The following HSPB3 variants were observed in gnomAD, a reference collection of about 807,000 sequenced individuals.
HSPB3 encodes heat shock protein beta-3.
In HSPB3, 10 loss-of-function variants were observed where a neutral mutation model predicts 10.9. The observed-to-expected ratio is 0.91, with a 90% CI of 0.56 to 1.55. HSPB3 has a LOEUF of 1.55. Ranked by LOEUF, HSPB3 falls within the 40% of genes most tolerant of loss-of-function variation. HSPB3 has a pLI of 0.00. For missense variants in HSPB3, 176 were observed against 184.1 expected (o/e 0.96, Z 0.25); for synonymous variants, 73 against 71.8 (o/e 1.02, Z -0.08).
Position 54,455,881 on chromosome 5 carries a change from A to G in HSPB3, c.92A>G (p.Asp31Gly), listed in dbSNP as rs1761037380. 1 of 1,614,142 alleles carries G rather than the reference A, an allele frequency of 6.2e-7. No homozygotes were observed. Residue 31 changes from aspartate (D) to glycine (G), a missense_variant, in exon 1 of 1, where the codon GAT becomes GGT. Transcript: ENST00000302005. Reference protein sequence around the residue: ...EARGLEDCRLDHALYALPGPT... With the variant: ...EARGLEDCRLGHALYALPGPT... ...CGAGGTCTAGAAGACTGCAGGCTGG[A>G]TCATGCTTTATATGCACTGCCTGGG...
rs7699 is a variant in HSPB3, at chr5:54,456,071, G to A, written c.282G>A (p.Leu94=). 0.58 allele frequency: 929,665 copies of A among 1,613,562 alleles called. 271,020 individuals carry two copies. The highest frequency in any genetic ancestry group is 0.68 in the Middle Eastern group (4,107 of 6,060). Reference sequence around the variant, plus strand: ...TCATTCAGACCTTCGAAGGCTGGCTGCTGATAAAAGCACAACACGGAACCA... The same window carrying A: ...TCATTCAGACCTTCGAAGGCTGGCTACTGATAAAAGCACAACACGGAACCA... ...DIIIQTFEGW[L]LIKAQHGTRM... The change falls in exon 1 of 1, where the codon CTG becomes CTA. Residue 94 remains leucine (L), a synonymous_variant. Coordinates refer to ENST00000302005, the MANE Select transcript of HSPB3 (RefSeq NM_006308.3).
Position 54,455,748 on chromosome 5 carries a change from G to C in HSPB3, c.-42G>C, listed in dbSNP as rs777548146. 1 of 1,546,378 alleles carries C rather than the reference G, an allele frequency of 6.5e-7. No individual in the cohort carries two copies. The highest frequency in any genetic ancestry group is 8.9e-7 in the Non-Finnish European group (1 of 1,118,798). ...CGCCACTGACTGAAGGCAGTGGAAG[G>C]TTGGCAGAAGGAGGCTGTTCAAGGC... On this transcript the variant is annotated 5_prime_UTR_variant, in exon 1 of 1. Transcript: ENST00000302005.
Position 54,455,942 on chromosome 5 carries a change from G to A in HSPB3, c.153G>A (p.Ala51=), listed in dbSNP as rs139714539. The A allele has an allele frequency of 3.8e-5, 61 of 1,614,080 alleles. No homozygotes were observed. The African/African-American group carries it at 3.9e-4, about 10-fold the overall frequency. ...TIVDLRKTRA[A]QSPPVDSAAE... is the part of the protein sequence containing the mutation. ...TGGACCTGAGGAAAACCAGGGCAGC[G>A]CAGTCTCCTCCAGTGGACTCAGCGG... is the stretch of plus-strand genomic sequence containing the variant. The change falls in exon 1 of 1, where the codon GCG becomes GCA. Residue 51 remains alanine (A), a synonymous_variant. Coordinates refer to ENST00000302005, the MANE Select transcript of HSPB3 (RefSeq NM_006308.3).
rs772698066 is a variant in HSPB3, at chr5:54,455,906, G to A, written c.117G>A (p.Gly39=). The A allele has an allele frequency of 8.1e-6, 13 of 1,614,114 alleles. No individual in the cohort carries two copies. The African/African-American group carries it at 1.2e-4, about 15-fold the overall frequency. ...ATCATGCTTTATATGCACTGCCTGG[G>A]CCAACCATCGTGGACCTGAGGAAAA... ...RLDHALYALP[G]PTIVDLRKTR... The change falls in exon 1 of 1, where the codon GGG becomes GGA. Residue 39 remains glycine (G), a synonymous_variant. Coordinates refer to ENST00000302005, the MANE Select transcript of HSPB3 (RefSeq NM_006308.3).
rs751004706 is a variant in HSPB3, at chr5:54,455,944, A to G, written c.155A>G (p.Gln52Arg). The G allele has an allele frequency of 5.0e-6, 8 of 1,614,184 alleles. No homozygotes were observed. Among genetic ancestry groups the G allele is most frequent in the Admixed American group, 3.3e-5 (2 of 60,016 alleles). Residue 52 changes from glutamine (Q) to arginine (R), a missense_variant, in exon 1 of 1, where the codon CAG becomes CGG. Physicochemically the swap from Gln to Arg is conservative, Grantham distance 43 (BLOSUM62 1). Coordinates refer to ENST00000302005, the MANE Select transcript of HSPB3 (RefSeq NM_006308.3). ...GACCTGAGGAAAACCAGGGCAGCGC[A>G]GTCTCCTCCAGTGGACTCAGCGGCA... ...IVDLRKTRAA[Q>R]SPPVDSAAET... is the part of the protein sequence containing the mutation.
At position 54,456,367 on chromosome 5, in the gene HSPB3, T is replaced by A. The variant is rs960756994; in HGVS notation, c.*125T>A. The A allele has an allele frequency of 2.4e-6, 2 of 833,224 alleles. No homozygotes were observed. Among genetic ancestry groups the A allele is most frequent in the Non-Finnish European group, 4.1e-6 (2 of 482,882 alleles). The allele number at this position is 833,224 out of a possible 1,614,324, so 51.6% of individuals were successfully genotyped here. The stretch of plus-strand genomic sequence containing the variant: ...ATGATTTTTATGAAGATTAAAAATA[T>A]ATACACAGTTCCTGGTATGTTGAGG... On this transcript the variant is annotated 3_prime_UTR_variant, in exon 1 of 1. Coordinates refer to ENST00000302005, the MANE Select transcript of HSPB3 (RefSeq NM_006308.3).
rs377702400 is a variant in HSPB3, at chr5:54,456,288, C to T, written c.*46C>T. The T allele has an allele frequency of 2.2e-6, 3 of 1,379,676 alleles. No individual in the cohort carries two copies. The highest frequency in any genetic ancestry group is 2.9e-5 in the African/African-American group (2 of 70,152). The allele number at this position is 1,379,676 out of a possible 1,614,324, so 85.5% of individuals were successfully genotyped here. A position where few individuals can be genotyped will look rare whatever the true frequency, so the allele number is the denominator to read the frequency against. On this transcript the variant is annotated 3_prime_UTR_variant, in exon 1 of 1. Coordinates refer to ENST00000302005, the MANE Select transcript of HSPB3 (RefSeq NM_006308.3). The stretch of plus-strand genomic sequence containing the variant: ...AGATGACATGGGGAAGATGATGGTT[C>T]AGCCACTGGTACTACGAGAATGTTT...
chr5:54,456,122 A>G lies in HSPB3; in HGVS notation c.333A>G (p.Ser111=). ...GAATGGATGAGCACGGTTTTATCTC[A>G]AGAAGCTTCACCCGACAGTACAAAC... ...GTRMDEHGFI[S]RSFTRQYKLP... Residue 111 remains serine (S), a synonymous_variant, in exon 1 of 1, where the codon TCA becomes TCG. Coordinates refer to ENST00000302005, the MANE Select transcript of HSPB3 (RefSeq NM_006308.3). 1.2e-6 allele frequency: 2 copies of G among 1,614,182 alleles called. No homozygotes were observed. Among genetic ancestry groups the G allele is most frequent in the South Asian group, 1.1e-5 (1 of 91,082 alleles).
chr5:54,455,980 C>T lies in HSPB3; in HGVS notation c.191C>T (p.Pro64Leu), dbSNP rs779341096. The T allele has an allele frequency of 3.7e-6, 6 of 1,613,924 alleles. No homozygotes were observed. The highest frequency in any genetic ancestry group is 1.3e-5 in the African/African-American group (1 of 74,884). ...GTGGACTCAGCGGCAGAGACGCCAC[C>T]CCGAGAAGGCAAATCCCACTTTCAG... ...PPVDSAAETP[P>L]REGKSHFQIL... Residue 64 changes from proline (P) to leucine (L), a missense_variant, in exon 1 of 1, where the codon CCC (proline) becomes CTC (leucine). Coordinates refer to ENST00000302005, the MANE Select transcript of HSPB3 (RefSeq NM_006308.3).
rs746635785 is a variant in HSPB3 at position 54,456,352 on chromosome 5, T to G, written c.*110T>G. The G allele has an allele frequency of 1.1e-6, 1 of 929,588 alleles. No homozygotes were observed. The highest frequency in any genetic ancestry group is 1.8e-6 in the Non-Finnish European group (1 of 561,582). The allele number at this position is 929,588 out of a possible 1,614,324, so 57.6% of individuals were successfully genotyped here. A position where few individuals can be genotyped will look rare whatever the true frequency, so the allele number is the denominator to read the frequency against. On this transcript the variant is annotated 3_prime_UTR_variant, in exon 1 of 1. Transcript: ENST00000302005. ...TTGAAATGATTTGCTATGATTTTTA[T>G]GAAGATTAAAAATATATACACAGTT...
rs1761043782 is a variant in HSPB3 at position 54,456,083 on chromosome 5, A to T, written c.294A>T (p.Ala98=). Residue 98 remains alanine, a synonymous_variant, in exon 1 of 1, where the codon GCA becomes GCT. Transcript: ENST00000302005. ...TCGAAGGCTGGCTGCTGATAAAAGC[A>T]CAACACGGAACCAGAATGGATGAGC... ...QTFEGWLLIK[A]QHGTRMDEHG... The T allele has an allele frequency of 6.2e-7, 1 of 1,614,172 alleles. No individual in the cohort carries two copies. Among genetic ancestry groups the T allele is most frequent in the South Asian group, 1.1e-5 (1 of 91,076 alleles).
rs374376916 is a variant in HSPB3, at chr5:54,456,287, T to G, written c.*45T>G. On this transcript the variant is annotated 3_prime_UTR_variant, in exon 1 of 1. Coordinates refer to ENST00000302005, the MANE Select transcript of HSPB3 (RefSeq NM_006308.3). ...CAGATGACATGGGGAAGATGATGGT[T>G]CAGCCACTGGTACTACGAGAATGTT... 416 of 1,369,080 alleles carry G rather than the reference T, an allele frequency of 3.0e-4. No homozygotes were observed. Among genetic ancestry groups the G allele is most frequent in the Non-Finnish European group, 4.0e-4 (382 of 956,808 alleles). 84.8% of individuals were successfully genotyped at this position (1,369,080 alleles called of 1,614,324 possible).
rs200960902 is a variant in HSPB3 at position 54,456,252 on chromosome 5, G to A, written c.*10G>A. ...AGTTGGGACTAAGTGACATCGTATC[G>A]GTTCCTGTTCAGATGACATGGGGAA... On this transcript the variant is annotated 3_prime_UTR_variant, in exon 1 of 1. Transcript: ENST00000302005. 7.5e-5 allele frequency: 120 copies of A among 1,605,786 alleles called. No homozygotes were observed. Among genetic ancestry groups the A allele is most frequent in the Non-Finnish European group, 9.5e-5 (111 of 1,172,546 alleles).
chr5:54,455,942 G>T lies in HSPB3; in HGVS notation c.153G>T (p.Ala51=), dbSNP rs139714539. 2 of 1,614,080 alleles carry T rather than the reference G, an allele frequency of 1.2e-6. No homozygotes were observed. The highest frequency in any genetic ancestry group is 2.2e-5 in the South Asian group (2 of 91,060). Residue 51 remains alanine (A), a synonymous_variant, in exon 1 of 1, where the codon GCG becomes GCT. Coordinates refer to ENST00000302005, the MANE Select transcript of HSPB3 (RefSeq NM_006308.3). The part of the protein sequence containing the change: ...TIVDLRKTRA[A]QSPPVDSAAE... ...TGGACCTGAGGAAAACCAGGGCAGC[G>T]CAGTCTCCTCCAGTGGACTCAGCGG...
Position 54,456,069 on chromosome 5 carries a change from C to T in HSPB3, c.280C>T (p.Leu94=), listed in dbSNP as rs1761043198. The change falls in exon 1 of 1, where the codon CTG becomes TTG. Residue 94 remains leucine, a synonymous_variant. Transcript: ENST00000302005. ...CATCATTCAGACCTTCGAAGGCTGG[C>T]TGCTGATAAAAGCACAACACGGAAC... The part of the protein sequence containing the change: ...DIIIQTFEGW[L]LIKAQHGTRM... The T allele has an allele frequency of 1.2e-6, 2 of 1,613,906 alleles. No individual in the cohort carries two copies. The highest frequency in any genetic ancestry group is 8.5e-7 in the Non-Finnish European group (1 of 1,180,014).
rs1482262777 is a variant in HSPB3 at position 54,456,020 on chromosome 5, G to A, written c.231G>A (p.Val77=). 1.2e-6 allele frequency: 2 copies of A among 1,613,968 alleles called. No individual in the cohort carries two copies. The highest frequency in any genetic ancestry group is 2.2e-5 in the South Asian group (2 of 91,064). The part of the protein sequence containing the change: ...GKSHFQILLD[V]VQFLPEDIII... ...CCCACTTTCAGATCCTGCTGGACGT[G>A]GTCCAGTTCCTCCCTGAAGACATCA... Residue 77 remains valine, a synonymous_variant, in exon 1 of 1, where the codon GTG becomes GTA. Transcript: ENST00000302005.
At position 54,456,304 on chromosome 5, in the gene HSPB3, G is replaced by A. The variant is rs1761048256; in HGVS notation, c.*62G>A. The A allele has an allele frequency of 6.5e-6, 8 of 1,236,604 alleles. 1 individual carries two copies. Among genetic ancestry groups the A allele is most frequent in the Middle Eastern group, 1.9e-4 (1 of 5,286 alleles). 76.6% of individuals were successfully genotyped at this position (1,236,604 alleles called of 1,614,324 possible). A position where few individuals can be genotyped will look rare whatever the true frequency, so the allele number is the denominator to read the frequency against. ...ATGATGGTTCAGCCACTGGTACTAC[G>A]AGAATGTTTGTATTACCCACATTTG... On this transcript the variant is annotated 3_prime_UTR_variant, in exon 1 of 1. Coordinates refer to ENST00000302005, the MANE Select transcript of HSPB3 (RefSeq NM_006308.3).
At position 54,456,363 on chromosome 5, in the gene HSPB3, A is replaced by C. The variant is rs1761049250; in HGVS notation, c.*121A>C. 2.3e-6 allele frequency: 2 copies of C among 860,192 alleles called. No homozygotes were observed. The highest frequency in any genetic ancestry group is 3.6e-5 in the Admixed American group (2 of 56,146). 53.3% of individuals were successfully genotyped at this position (860,192 alleles called of 1,614,324 possible). The stretch of plus-strand genomic sequence containing the variant: ...TGCTATGATTTTTATGAAGATTAAA[A>C]ATATATACACAGTTCCTGGTATGTT... On this transcript the variant is annotated 3_prime_UTR_variant, in exon 1 of 1. Coordinates refer to ENST00000302005, the MANE Select transcript of HSPB3 (RefSeq NM_006308.3).
rs1209468323 is a variant in HSPB3 at position 54,455,880 on chromosome 5, G to A, written c.91G>A (p.Asp31Asn). The change falls in exon 1 of 1, where the codon GAT becomes AAT. Residue 31 changes from aspartate (D) to asparagine (N), a missense_variant. Transcript: ENST00000302005. ...TCGAGGTCTAGAAGACTGCAGGCTGGATCATGCTTTATATGCACTGCCTGG... is the reference window on the plus strand; with the variant it reads ...TCGAGGTCTAGAAGACTGCAGGCTGAATCATGCTTTATATGCACTGCCTGG... Reference protein sequence around the residue: ...EARGLEDCRLDHALYALPGPT... With the variant: ...EARGLEDCRLNHALYALPGPT... 3 of 1,614,144 alleles carry A rather than the reference G, an allele frequency of 1.9e-6. No homozygotes were observed. The highest frequency in any genetic ancestry group is 2.5e-6 in the Non-Finnish European group (3 of 1,180,014).
Sources: allele counts gnomAD v4.1 joint callset, GRCh38; gene constraint gnomAD v4.1.1; transcripts MANE v1.5; gene names NCBI Gene and HGNC (gene_info 2026-07-23, HGNC 2026-07-21).